Variants in SACS observed in about 807,000 individuals in gnomAD.
SACS encodes the protein sacsin molecular chaperone.
In SACS, 197 loss-of-function variants were observed where a neutral mutation model predicts 348.0. The ratio of observed to expected loss-of-function variants is 0.57; its 90% confidence interval spans 0.50 to 0.64. The LOEUF (loss-of-function observed/expected upper bound fraction) is 0.64. Among genes scored for constraint, SACS ranks in the 30% least tolerant of loss-of-function variants. The pLI is 0.00. For missense variants in SACS, 4,999 were observed against 5,360.8 expected (o/e 0.93, Z 2.11); for synonymous variants, 1,985 against 1,910.6 (o/e 1.04, Z -1.02).
chr13:23,341,058 AG>A lies in SACS; in HGVS notation c.2817del (p.Ser940LeufsTer5). The part of the protein sequence containing the change: ...RINHSSDQGI[S>X]SYTKLKGCKV... ...TTACAACCTTTCAATTTTGTATAAG[AG>A]GAAATTCCCTGATCAGAAGAATGGT... On this transcript the variant is annotated frameshift_variant, in exon 10 of 10. Transcript: ENST00000382292. LOFTEE classifies it high-confidence loss of function. 1 of 1,614,144 alleles carries A rather than the reference AG, an allele frequency of 6.2e-7. No individual in the cohort carries two copies. Among genetic ancestry groups the A allele is most frequent in the South Asian group, 1.1e-5 (1 of 91,082 alleles).
At chr13:23,392,017 T>G (rs1660428529) in intron 2 of SACS, among the ~76,000 whole-genome samples, 1 of 152,174 alleles carries the variant, frequency 6.6e-6, no homozygotes, top group Non-Finnish European at 1.5e-5. Flanking sequence ...GAATCACGCA[T>G]GCAGACTGAC....
At chr13:23,409,365 T>TG (rs1873391389) in intron 2 of SACS, among the ~76,000 whole-genome samples, 2 of 142,166 alleles carry the variant, frequency 1.4e-5, no homozygotes, top group Non-Finnish European at 3.1e-5. Flanking sequence ...TTTTTTTTTT[T>TG]TTTTTTTTTA....
At chr13:23,423,170 A>G (rs947717510) in intron 1 of SACS, among the ~76,000 whole-genome samples, 1 of 152,198 alleles carries the variant, frequency 6.6e-6, no homozygotes, top group South Asian at 2.1e-4. Flanking sequence ...TTATTAAACA[A>G]CTTCCAAGCA....
intron 2 of SACS, among the ~76,000 whole-genome samples, chr13:23,403,692 C>T (rs1873081215): frequency 6.6e-6 from 1 of 152,152 alleles, no homozygotes; most frequent in Non-Finnish European, 1.5e-5. Flanking sequence ...TTCAAAAAAA[C>T]AGGTCCTGGA....
chr13:23,430,103 G>C (rs1874374459), intron 1 of SACS, among the ~76,000 whole-genome samples: 1 of 152,060 alleles, frequency 6.6e-6, no homozygotes, highest in African/African-American at 2.4e-5. Context: ...AGCCACTCGA[G>C]AGGCTGAGGC....
chr13:23,381,461 C>T (rs1188753788), intron 2 of SACS, among the ~76,000 whole-genome samples: 1 of 152,042 alleles, frequency 6.6e-6, no homozygotes, highest in Non-Finnish European at 1.5e-5. Flanking sequence ...GGCAAACACT[C>T]CTACTAGCCT....
chr13:23,354,156 TAAAG>T (rs1327533828), intron 8 of SACS, among the ~76,000 whole-genome samples: 1 of 152,232 alleles, frequency 6.6e-6, no homozygotes. Context: ...CTCTCGTTTA[TAAAG>T]AATTACTTAA....
chr13:23,363,154 C>T (rs1347244525), intron 6 of SACS, among the ~76,000 whole-genome samples: 1 of 151,428 alleles, frequency 6.6e-6, no homozygotes, highest in African/African-American at 2.4e-5. Context: ...GGTGATCTGT[C>T]CACCTCAGCC....
chr13:23,376,368 G>GTAT (rs1459595362), intron 2 of SACS, among the ~76,000 whole-genome samples: 1 of 151,052 alleles, frequency 6.6e-6, no homozygotes, highest in East Asian at 1.9e-4. Flanking sequence ...TTTCTCTTAG[G>GTAT]TATATATGAT....
rs1482740566 is a variant in SACS at position 23,340,710 on chromosome 13, G to A, written c.3166C>T (p.Pro1056Ser). The change falls in exon 10 of 10, where the codon CCT (proline) becomes TCT (serine). Residue 1056 changes from proline (P) to serine (S), a missense_variant. By Grantham distance (74) the Pro-to-Ser change is moderately conservative. This residue lies in a region of SACS where 3,156 missense variants were observed against 3,380.1 expected (regional missense o/e 0.93). Transcript: ENST00000382292. ...AGATCCTTTAGTACTTCTATATCAG[G>A]GTCAAAGAGTTCACCAGCTGATACC... ...QMVSAGELFD[P>S]DIEVLKDLFC... The A allele has an allele frequency of 6.3e-7, 1 of 1,593,470 alleles. No individual in the cohort carries two copies. Among genetic ancestry groups the A allele is most frequent in the East Asian group, 2.2e-5 (1 of 44,756 alleles).
At chr13:23,358,626 C>A in intron 6 of SACS, 145 bp from the exon 7 acceptor site, 1 of 811,670 alleles carries the variant, frequency 1.2e-6, no homozygotes, top group Non-Finnish European at 2.0e-6. Context: ...CACTATAATT[C>A]TGTTTTTACA....
chr13:23,348,369 T>C (rs964812399), intron 9 of SACS, among the ~76,000 whole-genome samples: 2 of 152,222 alleles, frequency 1.3e-5, no homozygotes, highest in East Asian at 1.9e-4. Context: ...TCACAGACAC[T>C]AAGAAAGAGA....
In SACS at chr13:23,335,844, A is replaced by C; in HGVS notation, c.8032T>G (p.Phe2678Val). Residue 2678 changes from phenylalanine (F) to valine (V), a missense_variant, in exon 10 of 10, where the codon TTC (phenylalanine) becomes GTC (valine). Around this residue, in one of 6 missense-constraint regions of SACS, gnomAD observed 3,156 missense variants for 3,380.1 expected, o/e 0.93. Coordinates refer to ENST00000382292, the MANE Select transcript of SACS (RefSeq NM_014363.6). This position sits in a 1 kb window ranked among gnomAD's most constrained non-coding sequence, Gnocchi z 4.7. ...RDLDADFRTQ[F>V]SDVLDLYLGT... is the part of the protein sequence containing the mutation. ...AGATAAAGATCCAGAACATCTGAGAACTGTGTCCTAAAATCTGCATCCAAA... is the reference window on the plus strand; with the variant it reads ...AGATAAAGATCCAGAACATCTGAGACCTGTGTCCTAAAATCTGCATCCAAA... 1 of 1,613,992 alleles carries C rather than the reference A, an allele frequency of 6.2e-7. No individual in the cohort carries two copies. The highest frequency in any genetic ancestry group is 8.5e-7 in the Non-Finnish European group (1 of 1,179,908).
chr13:23,360,074 G>A (rs960408668), intron 6 of SACS, among the ~76,000 whole-genome samples: 24 of 152,078 alleles, frequency 1.6e-4, no homozygotes, highest in Non-Finnish European at 2.9e-5. Context: ...AAGCCATCAA[G>A]GCTCCATTTC....
In SACS at chr13:23,330,095, A is replaced by G. The variant is rs770757841; in HGVS notation, c.*41T>C. On this transcript the variant is annotated 3_prime_UTR_variant, in exon 10 of 10. Coordinates refer to ENST00000382292, the MANE Select transcript of SACS (RefSeq NM_014363.6). ...TGAAGTACAGCAATTTATTCGTGCT[A>G]CAACACATTCAAGATCTACCTTTTT... 5.8e-6 allele frequency: 9 copies of G among 1,560,150 alleles called. No homozygotes were observed. In the South Asian group the frequency reaches 1.0e-4, roughly 18 times the overall value.
Position 23,339,269 on chromosome 13 carries a change from A to T in SACS, c.4607T>A (p.Val1536Glu), listed in dbSNP as rs1440340312. The T allele has an allele frequency of 6.2e-7, 1 of 1,603,218 alleles. No individual in the cohort carries two copies. The highest frequency in any genetic ancestry group is 1.1e-5 in the South Asian group (1 of 88,390). Residue 1536 changes from valine to glutamate, a missense_variant, in exon 10 of 10, where the codon GTG (valine) becomes GAG (glutamate). Physicochemically the swap from Val to Glu is moderately radical, Grantham distance 121. This residue lies in a region of SACS where 3,156 missense variants were observed against 3,380.1 expected (regional missense o/e 0.93). Transcript: ENST00000382292. The part of the protein sequence containing the change: ...NNSQFSDSDF[V>E]NITRLGESLK... ...AGATTCTCCTAACCTAGTTATGTTCACAAAATCTGAATCTGAGAATTGAGA... is the reference window on the plus strand; with the variant it reads ...AGATTCTCCTAACCTAGTTATGTTCTCAAAATCTGAATCTGAGAATTGAGA...
chr13:23,413,534 T>G (rs1200082540), intron 1 of SACS, among the ~76,000 whole-genome samples: 1 of 152,186 alleles, frequency 6.6e-6, no homozygotes, highest in African/African-American at 2.4e-5. Context: ...GGACTTCTTA[T>G]TCTGCGTTTG....
At chr13:23,423,048 A>G (rs1029063243) in intron 1 of SACS, among the ~76,000 whole-genome samples, 1 of 152,210 alleles carries the variant, frequency 6.6e-6, no homozygotes, top group African/African-American at 2.4e-5. Context: ...TTCAGAGGCA[A>G]TCAGGCCTAT....
intron 2 of SACS, among the ~76,000 whole-genome samples, chr13:23,404,557 T>C (rs1187447716): frequency 6.6e-6 from 1 of 152,202 alleles, no homozygotes; most frequent in African/African-American, 2.4e-5. Flanking sequence ...AAAATAGTAT[T>C]GGAAGTTCTG....
Sources: allele counts gnomAD v4.1 joint callset (sites outside exome capture counted in the v4.1 genomes callset), GRCh38; gene constraint gnomAD v4.1.1; regional missense constraint gnomAD v4.1.1; non-coding constraint Gnocchi (gnomAD v3.1); transcripts MANE v1.5; gene names NCBI Gene and HGNC (gene_info 2026-07-23, HGNC 2026-07-21).